Variants in GALNT14 observed in about 807,000 individuals in gnomAD.
The protein encoded by GALNT14 is UDP-GalNAc:polypeptide N-acetylgalactosaminyltransferase 14.
A neutral mutation model predicts 77.5 loss-of-function variants in GALNT14; 60 were observed. The ratio of observed to expected loss-of-function variants is 0.77; its 90% CI spans 0.63 to 0.96. The LOEUF is 0.96. Ranked by LOEUF, GALNT14 falls within the 40% of genes least tolerant of loss-of-function variation. The pLI is 0.00. For missense variants in GALNT14, 710 were observed against 731.0 expected, an observed-to-expected ratio of 0.97 and a Z score of 0.33; for synonymous variants, 280 against 281.7, an observed-to-expected ratio of 0.99 and a Z score of 0.06.
downstream of GALNT14, among the ~76,000 whole-genome samples, chr2:30,906,442 A>G (rs982925456): frequency 3.3e-5 from 5 of 149,504 alleles, no homozygotes; most frequent in Non-Finnish European, 5.9e-5. Context: ...TAAACCAACA[A>G]AGATCAAAAG....
intron 1 of GALNT14, among the ~76,000 whole-genome samples, chr2:31,001,112 C>T (rs1455632649): frequency 6.6e-6 from 1 of 152,082 alleles, no homozygotes; most frequent in Non-Finnish European, 1.5e-5. Context: ...CTCCATGTAG[C>T]CAGGCTATCT....
intron 2 of GALNT14, among the ~76,000 whole-genome samples, chr2:30,975,899 G>C (rs916212598): frequency 1.3e-5 from 2 of 152,160 alleles, no homozygotes; most frequent in Non-Finnish European, 2.9e-5. Flanking sequence ...TTAAACACCA[G>C]AAAAGGCCAC....
chr2:31,046,775 G>A lies in GALNT14; in HGVS notation c.130-53768C>T, dbSNP rs139808391. Among the ~76,000 whole-genome samples the A allele has an allele frequency of 4.9e-3, 747 of 152,084 alleles. 6 individuals are homozygous for A. The highest frequency in any genetic ancestry group is 0.017 in the African/African-American group (710 of 41,478). On this transcript the variant is annotated intron_variant, in intron 1 of 14. Coordinates refer to ENST00000349752, the MANE Select transcript of GALNT14 (RefSeq NM_024572.4). Reference sequence around the variant, plus strand: ...ATTTTTTTTAATCAAATCTAATTTCGTTTTCCAGGTCTCCCCAGTGCCCAC... The same window carrying A: ...ATTTTTTTTAATCAAATCTAATTTCATTTTCCAGGTCTCCCCAGTGCCCAC...
At chr2:31,028,797 A>G (rs1321791755) in intron 1 of GALNT14, among the ~76,000 whole-genome samples, 2 of 152,182 alleles carry the variant, frequency 1.3e-5, no homozygotes, top group Admixed American at 6.5e-5. Context: ...CAAATTCTCC[A>G]ACTCAGCCAA....
At chr2:31,127,424 T>A (rs760965844) in intron 1 of GALNT14, among the ~76,000 whole-genome samples, 5 of 152,242 alleles carry the variant, frequency 3.3e-5, no homozygotes, top group Non-Finnish European at 7.3e-5. Context: ...AATTCAAATA[T>A]CTGCTTCCAT....
Position 31,043,930 on chromosome 2 carries a change from G to C in GALNT14, c.130-50923C>G, listed in dbSNP as rs12616294. ...CAAGAATAAAGGATGACCAGGGAAT[G>C]GCCCTGCAGTTACAGCGTGCTCCCT... On this transcript the variant is annotated intron_variant, in intron 1 of 14. Transcript: ENST00000349752. Among the ~76,000 whole-genome samples the C allele has an allele frequency of 2.7e-3, 368 of 134,050 alleles. 7 individuals are homozygous for C. In the East Asian group the frequency reaches 0.048, roughly 18 times the overall value. 87.9% of individuals were successfully genotyped at this position (134,050 alleles called of 152,430 possible).
chr2:31,103,490 AACAC>A (rs58852483), intron 1 of GALNT14, among the ~76,000 whole-genome samples: 3 of 150,094 alleles, frequency 2.0e-5, no homozygotes, highest in Admixed American at 2.0e-4. Flanking sequence ...AGAAGAAGGA[AACAC>A]ACACACACAC....
chr2:31,130,783 T>TGTGTGCGTGC (rs1181788023), intron 1 of GALNT14, among the ~76,000 whole-genome samples: 4 of 118,634 alleles, frequency 3.4e-5, no homozygotes, highest in African/African-American at 1.1e-4. Flanking sequence ...TGTGTGTGTG[T>TGTGTGCGTGC]GCGCGCGCAC....
At chr2:31,041,385 G>A (rs1456050671) in intron 1 of GALNT14, among the ~76,000 whole-genome samples, 2 of 152,160 alleles carry the variant, frequency 1.3e-5, no homozygotes, top group Non-Finnish European at 2.9e-5. Flanking sequence ...AAGATGAGGT[G>A]CTTGGGCTGT....
chr2:30,971,511 C>T (rs1017299760), intron 2 of GALNT14, among the ~76,000 whole-genome samples: 2 of 152,130 alleles, frequency 1.3e-5, no homozygotes, highest in Admixed American at 6.5e-5. Context: ...CTAAGCTGAT[C>T]GCTGACATGC....
chr2:30,905,201 G>A, the GALNT14 span, among the ~76,000 whole-genome samples: 192 of 152,304 alleles, frequency 1.3e-3, 1 homozygote, highest in Admixed American at 4.2e-3. Context: ...ACAGAACAAA[G>A]CTGGATGGAG....
chr2:30,938,730 C>T (rs1666204405), intron 9 of GALNT14, among the ~76,000 whole-genome samples: 1 of 152,180 alleles, frequency 6.6e-6, no homozygotes, highest in Admixed American at 6.5e-5. Context: ...GCTTCTAACC[C>T]ATGAAAACCA....
At chr2:30,968,983 G>T (rs1014724507) in intron 2 of GALNT14, among the ~76,000 whole-genome samples, 1 of 152,152 alleles carries the variant, frequency 6.6e-6, no homozygotes, top group African/African-American at 2.4e-5. Flanking sequence ...GGGAGTGTTA[G>T]CTGGCAGGTG....
intron 9 of GALNT14, 41 bp from the exon 10 acceptor site, chr2:30,932,235 G>A (rs1224832422): frequency 2.2e-6 from 3 of 1,391,632 alleles, no homozygotes; most frequent in African/African-American, 3.0e-5. Context: ...TCTTATCACT[G>A]CTGCTGCAGC....
chr2:30,996,558 C>CCA (rs1670049227), intron 1 of GALNT14, among the ~76,000 whole-genome samples: 1 of 152,084 alleles, frequency 6.6e-6, no homozygotes, highest in Non-Finnish European at 1.5e-5. Context: ...GCCTCACCCC[C>CCA]CCTCTACTCT....
At chr2:31,128,971 A>G (rs2148648652) in intron 1 of GALNT14, among the ~76,000 whole-genome samples, 1 of 127,690 alleles carries the variant, frequency 7.8e-6, no homozygotes, top group East Asian at 2.0e-4. Context: ...AAAATTGAAA[A>G]AAAAAAAAAA....
At chr2:30,985,793 G>T (rs1416719246) in intron 2 of GALNT14, among the ~76,000 whole-genome samples, 2 of 152,182 alleles carry the variant, frequency 1.3e-5, no homozygotes, top group Non-Finnish European at 2.9e-5. Context: ...GTTTGCAAAA[G>T]CTAAGTATCT....
chr2:31,133,996 T>C (rs1679105357), intron 1 of GALNT14, among the ~76,000 whole-genome samples: 1 of 152,224 alleles, frequency 6.6e-6, no homozygotes, highest in African/African-American at 2.4e-5. Flanking sequence ...GAGTGTAGCA[T>C]GCCTTCTTCA....
chr2:31,117,549 G>A (rs1023535300), intron 1 of GALNT14, among the ~76,000 whole-genome samples: 1 of 152,178 alleles, frequency 6.6e-6, no homozygotes, highest in Non-Finnish European at 1.5e-5. Context: ...GTAGGTTTAA[G>A]AAAGGATAAA....
Sources: gnomAD v4.1 joint callset for allele counts (sites outside exome capture counted in the v4.1 genomes callset) on GRCh38, gnomAD v4.1.1 for gene constraint, MANE v1.5 for transcripts, NCBI Gene and HGNC (gene_info 2026-07-23, HGNC 2026-07-21) for gene names.